CBLN2: variants seen among roughly 807,000 people sequenced by gnomAD.
CBLN2 encodes the protein cerebellin-2.
Under a neutral mutation model 15.0 loss-of-function variants are expected in CBLN2, and 7 were observed. That is an observed-to-expected ratio of 0.47 (90% CI 0.27 to 0.88). CBLN2 has a LOEUF of 0.88. Among genes scored for constraint, CBLN2 ranks in the 40% least tolerant of loss-of-function variants. The pLI is 0.14. For synonymous variants in CBLN2, 149 were observed against 135.2 expected, an observed-to-expected ratio of 1.10 and a Z score of -0.71; for missense variants, 242 against 304.5, an observed-to-expected ratio of 0.79 and a Z score of 1.53.
chr18:72,562,373 T>C (rs943482043), intron 1 of CBLN2, among the ~76,000 whole-genome samples: 1 of 152,168 alleles, frequency 6.6e-6, no homozygotes, highest in African/African-American at 2.4e-5. Flanking sequence ...GGATAAAGTA[T>C]ATCTCAAGCA....
At chr18:72,623,987 A>C (rs2069717717) in intron 1 of CBLN2, among the ~76,000 whole-genome samples, 1 of 152,156 alleles carries the variant, frequency 6.6e-6, no homozygotes, top group South Asian at 2.1e-4. Context: ...CCTTCACGAG[A>C]GGTTTCTGCA....
intron 1 of CBLN2, among the ~76,000 whole-genome samples, chr18:72,575,945 C>A (rs1323052223): frequency 1.3e-5 from 2 of 152,130 alleles, no homozygotes; most frequent in African/African-American, 4.8e-5. Context: ...TGGAGTATAG[C>A]ACCCTTTAGC....
At chr18:72,584,313 T>A (rs1298219926) in intron 1 of CBLN2, among the ~76,000 whole-genome samples, 1 of 137,884 alleles carries the variant, frequency 7.3e-6, no homozygotes, top group Non-Finnish European at 1.5e-5. Context: ...TTACCAATCC[T>A]TTTTTTTTTT....
intron 1 of CBLN2, among the ~76,000 whole-genome samples, chr18:72,622,455 G>C (rs567891414): frequency 6.6e-6 from 1 of 151,966 alleles, no homozygotes; most frequent in Non-Finnish European, 1.5e-5. Context: ...TCAGCCTTAT[G>C]GGTGAGTAAG....
intron 1 of CBLN2, among the ~76,000 whole-genome samples, chr18:72,615,721 G>A (rs532038028): frequency 6.2e-4 from 95 of 152,140 alleles, no homozygotes; most frequent in African/African-American, 2.1e-3. Context: ...TCTATGAAGC[G>A]TGACCAGCAA....
chr18:72,579,731 C>T (rs1238926659), intron 1 of CBLN2, among the ~76,000 whole-genome samples: 1 of 96,118 alleles, frequency 1.0e-5, no homozygotes, highest in African/African-American at 2.6e-5. Flanking sequence ...GACTCCGTCT[C>T]GCAAAAAACA....
intron 1 of CBLN2, among the ~76,000 whole-genome samples, chr18:72,562,882 G>A (rs2069270603): frequency 6.6e-6 from 1 of 152,158 alleles, no homozygotes; most frequent in Non-Finnish European, 1.5e-5. Context: ...ACACCTGCTG[G>A]CAGTTGCTAG....
chr18:72,580,937 C>T (rs1329754743), intron 1 of CBLN2, among the ~76,000 whole-genome samples: 1 of 152,204 alleles, frequency 6.6e-6, no homozygotes, highest in Non-Finnish European at 1.5e-5. Context: ...ATCCTGCCCT[C>T]AGCCTCCTTA....
chr18:72,581,614 C>T (rs1030466109), intron 1 of CBLN2, among the ~76,000 whole-genome samples: 11 of 152,256 alleles, frequency 7.2e-5, no homozygotes, highest in South Asian at 4.1e-4. Flanking sequence ...CTTGTTTACA[C>T]GAAGTTATCT....
chr18:72,586,534 A>G (rs1325759504), intron 1 of CBLN2, among the ~76,000 whole-genome samples: 1 of 152,232 alleles, frequency 6.6e-6, no homozygotes, highest in Non-Finnish European at 1.5e-5. Flanking sequence ...AATCACTGAA[A>G]GAAAAGTCAT....
rs140892577 is a variant in CBLN2, at chr18:72,569,746, C to T, written c.16-30974G>A. Among the ~76,000 whole-genome samples, 495 of 152,230 alleles carry T rather than the reference C, an allele frequency of 3.3e-3. 2 individuals are homozygous for T. The highest frequency in any genetic ancestry group is 0.011 in the African/African-American group (470 of 41,534). Reference sequence around the variant, plus strand: ...TGTGAACTACCAGAGTGGGAACTCACTCACTCATCACCAAGGGGAAGGCAA... The same window carrying T: ...TGTGAACTACCAGAGTGGGAACTCATTCACTCATCACCAAGGGGAAGGCAA... On this transcript the variant is annotated intron_variant, in intron 1 of 2. Coordinates refer to the CBLN2 transcript ENST00000581073.
At chr18:72,630,989 G>A (rs2069772401) in intron 1 of CBLN2, 1 of 151,990 alleles carries the variant, frequency 6.6e-6, no homozygotes, top group Non-Finnish European at 1.5e-5. Flanking sequence ...AAATCTTTAC[G>A]GTAACGAAGA....
At chr18:72,594,532 C>G (rs957102372) in intron 1 of CBLN2, among the ~76,000 whole-genome samples, 2 of 149,848 alleles carry the variant, frequency 1.3e-5, no homozygotes, top group African/African-American at 4.9e-5. Flanking sequence ...TTCTCCTATT[C>G]TGTGTCTCGG....
intron 1 of CBLN2, among the ~76,000 whole-genome samples, chr18:72,619,818 T>A (rs2144965212): frequency 6.6e-6 from 1 of 152,352 alleles, no homozygotes; most frequent in Admixed American, 6.5e-5. Context: ...TGAATCAGGA[T>A]ATTTTCTTGA....
chr18:72,613,411 A>G (rs933837730), intron 1 of CBLN2, among the ~76,000 whole-genome samples: 3 of 152,190 alleles, frequency 2.0e-5, no homozygotes, highest in African/African-American at 4.8e-5. Flanking sequence ...TGCCTTTCCC[A>G]ATATCTGGCA....
At chr18:72,591,390 A>G (rs2069478852) in intron 1 of CBLN2, among the ~76,000 whole-genome samples, 1 of 152,172 alleles carries the variant, frequency 6.6e-6, no homozygotes, top group African/African-American at 2.4e-5. Context: ...AAGTGTATAT[A>G]TTTATGGTAT....
intron 1 of CBLN2, among the ~76,000 whole-genome samples, chr18:72,617,744 C>T (rs1156745398): frequency 8.5e-5 from 13 of 152,116 alleles, no homozygotes; most frequent in Admixed American, 8.5e-4. Context: ...TATTTTCCTC[C>T]TGTCTTCCTC....
intron 1 of CBLN2, among the ~76,000 whole-genome samples, chr18:72,615,132 T>TAAATAAATATAAACATAGAAAATA (rs2069649276): frequency 1.1e-5 from 1 of 87,298 alleles, no homozygotes; most frequent in East Asian, 2.8e-4. Context: ...TATAAATATA[T>TAAATAAATATAAACATAGAAAATA]TATATAAATA....
intron 1 of CBLN2, among the ~76,000 whole-genome samples, chr18:72,596,559 T>C (rs1456597479): frequency 6.6e-6 from 1 of 152,220 alleles, no homozygotes; most frequent in Non-Finnish European, 1.5e-5. Flanking sequence ...TGTCCTCTTC[T>C]TTCAGATTGA....
Sources: gnomAD v4.1 joint callset for allele counts (sites outside exome capture counted in the v4.1 genomes callset) on GRCh38, gnomAD v4.1.1 for gene constraint, MANE v1.5 for transcripts, NCBI Gene and HGNC (gene_info 2026-07-23, HGNC 2026-07-21) for gene names.